GRIK2: variants seen among roughly 807,000 people sequenced by gnomAD.
GRIK2 encodes the protein glutamate ionotropic receptor kainate type subunit 2, also known as glutamate receptor ionotropic, kainate 2.
In GRIK2, 32 loss-of-function variants were observed where a neutral mutation model predicts 100.3. The observed-to-expected ratio is 0.32, with a 90% CI of 0.24 to 0.43. The LOEUF is 0.43. GRIK2 is among the 20% of genes least tolerant of loss of function. The pLI is 1.00. For missense variants in GRIK2, 843 were observed against 1,114.9 expected, an observed-to-expected ratio of 0.76 and a Z score of 3.47; for synonymous variants, 417 against 389.4, an observed-to-expected ratio of 1.07 and a Z score of -0.83.
chr6:101,527,448 C>T (rs1320523456), intron 2 of GRIK2, among the ~76,000 whole-genome samples: 1 of 152,070 alleles, frequency 6.6e-6, no homozygotes, highest in Non-Finnish European at 1.5e-5. Context: ...TCTGAGATAC[C>T]TCTTATCAAG....
chr6:101,874,839 A>G (rs1467297724), intron 11 of GRIK2, among the ~76,000 whole-genome samples: 1 of 151,924 alleles, frequency 6.6e-6, no homozygotes, highest in Non-Finnish European at 1.5e-5. Flanking sequence ...ATTCCTCAGT[A>G]TTTTATTCTC....
At position 101,402,106 on chromosome 6, in the gene GRIK2, C is replaced by T. The variant is rs576275861; in HGVS notation, c.115+2714C>T. ...CCCAGCGTCCTCCTGTCACCTCCTG[C>T]GAGGTGAGGGGCAGCCCCCGCTTAG... On this transcript the variant is annotated intron_variant, in intron 2 of 16. Coordinates refer to ENST00000369134, the MANE Select transcript of GRIK2 (RefSeq NM_021956.5). Among the ~76,000 whole-genome samples the T allele has an allele frequency of 6.6e-5, 10 of 152,232 alleles. No homozygotes were observed. The East Asian group carries it at 1.7e-3, about 27-fold the overall frequency.
chr6:101,437,908 T>C (rs560784093), intron 2 of GRIK2, among the ~76,000 whole-genome samples: 1 of 152,212 alleles, frequency 6.6e-6, no homozygotes, highest in East Asian at 1.9e-4. Flanking sequence ...TATGCTTTAA[T>C]TGTGAGAGGC....
rs530210727 is a variant in GRIK2 at position 101,892,521 on chromosome 6, GT to G, written c.1748+2668del. Among the ~76,000 whole-genome samples the G allele has an allele frequency of 7.4e-5, 11 of 148,626 alleles. No individual in the cohort carries two copies. In the South Asian group the frequency reaches 1.7e-3, roughly 23 times the overall value. ...GAACATAAAGTCAGCTAATGTACCA[GT>G]TTTTTTTTTACTGCTACTGCTTTTA... is the stretch of plus-strand genomic sequence containing the variant. On this transcript the variant is annotated intron_variant, in intron 12 of 16. Coordinates refer to ENST00000369134, the MANE Select transcript of GRIK2 (RefSeq NM_021956.5).
intron 2 of GRIK2, among the ~76,000 whole-genome samples, chr6:101,613,004 G>A (rs973447692): frequency 1.3e-5 from 2 of 151,732 alleles, no homozygotes. Flanking sequence ...TGAATAATAA[G>A]ATCAATGTTT....
chr6:101,879,795 C>T (rs1364809582), intron 11 of GRIK2, among the ~76,000 whole-genome samples: 1 of 151,610 alleles, frequency 6.6e-6, no homozygotes, highest in Non-Finnish European at 1.5e-5. Context: ...GGCTGATACT[C>T]CTATTTCGGG....
intron 2 of GRIK2, among the ~76,000 whole-genome samples, chr6:101,463,491 G>A (rs1771452076): frequency 6.6e-6 from 1 of 152,132 alleles, no homozygotes; most frequent in Non-Finnish European, 1.5e-5. Context: ...TTATTCCAAT[G>A]TGTATTTTAT....
chr6:101,801,855 G>A (rs2128414431), intron 8 of GRIK2, among the ~76,000 whole-genome samples: 1 of 151,968 alleles, frequency 6.6e-6, no homozygotes, highest in East Asian at 1.9e-4. Flanking sequence ...TAGGGGGAAT[G>A]TATATAATTG....
chr6:101,855,034 A>G (rs1424222754), intron 10 of GRIK2, among the ~76,000 whole-genome samples: 2 of 152,222 alleles, frequency 1.3e-5, no homozygotes, highest in Non-Finnish European at 2.9e-5. Context: ...GAAGAGCATT[A>G]TAGACAGATA....
At chr6:101,499,988 T>G (rs1381014045) in intron 2 of GRIK2, among the ~76,000 whole-genome samples, 1 of 152,150 alleles carries the variant, frequency 6.6e-6, no homozygotes, top group African/African-American at 2.4e-5. Context: ...GTCATTTATG[T>G]TATAGGTAGT....
intron 11 of GRIK2, among the ~76,000 whole-genome samples, chr6:101,883,497 G>C (rs1398117235): frequency 6.6e-6 from 1 of 151,950 alleles, no homozygotes; most frequent in Non-Finnish European, 1.5e-5. Context: ...CATTCTAATA[G>C]AAAAAGACTG....
intron 2 of GRIK2, among the ~76,000 whole-genome samples, chr6:101,502,768 C>A (rs1773827360): frequency 6.6e-6 from 1 of 152,152 alleles, no homozygotes; most frequent in South Asian, 2.1e-4. Context: ...TAAACAATTA[C>A]AGTTTTTCAA....
chr6:101,865,757 T>A (rs1204490442), intron 11 of GRIK2, among the ~76,000 whole-genome samples: 1 of 151,712 alleles, frequency 6.6e-6, no homozygotes, highest in African/African-American at 2.4e-5. Flanking sequence ...GGTGTGCTGG[T>A]GCACTCCCGT....
intron 2 of GRIK2, among the ~76,000 whole-genome samples, chr6:101,548,268 G>A (rs969964359): frequency 1.3e-5 from 2 of 152,104 alleles, no homozygotes; most frequent in African/African-American, 4.8e-5. Flanking sequence ...CATTTTGTAG[G>A]TTGCCTGTTC....
At chr6:101,915,422 A>G (rs778720522) in intron 12 of GRIK2, among the ~76,000 whole-genome samples, 1 of 151,486 alleles carries the variant, frequency 6.6e-6, no homozygotes, top group Non-Finnish European at 1.5e-5. Context: ...AATAAAACCT[A>G]AAAGTGAAGT....
At chr6:101,740,094 G>A (rs183964722) in intron 7 of GRIK2, among the ~76,000 whole-genome samples, 4 of 152,202 alleles carry the variant, frequency 2.6e-5, no homozygotes, top group African/African-American at 9.6e-5. Flanking sequence ...GAGAATTCAT[G>A]TTTGACTCAA....
intron 14 of GRIK2, among the ~76,000 whole-genome samples, chr6:101,942,815 A>C (rs1217307560): frequency 1.3e-5 from 2 of 152,340 alleles, no homozygotes; most frequent in East Asian, 3.9e-4. Flanking sequence ...GCAAAGCATA[A>C]AAGTTTGGAT....
At chr6:101,831,545 A>G (rs1782695057) in intron 10 of GRIK2, among the ~76,000 whole-genome samples, 1 of 152,166 alleles carries the variant, frequency 6.6e-6, no homozygotes, top group South Asian at 2.1e-4. Flanking sequence ...TCTTAGCTCT[A>G]CAGAAGTAAG....
intron 14 of GRIK2, among the ~76,000 whole-genome samples, chr6:101,937,735 T>C (rs991255695): frequency 1.3e-5 from 2 of 152,064 alleles, no homozygotes; most frequent in Admixed American, 6.6e-5. Context: ...ATTATACTTA[T>C]TGACATTGTG....
Sources: allele counts gnomAD v4.1 joint callset (sites outside exome capture counted in the v4.1 genomes callset), GRCh38; gene constraint gnomAD v4.1.1; transcripts MANE v1.5; gene names NCBI Gene and HGNC (gene_info 2026-07-23, HGNC 2026-07-21).